Variants in ZNF124 observed in about 807,000 individuals in gnomAD.
ZNF124 encodes zinc finger protein HZF-16.
Under a neutral mutation model 26.6 loss-of-function variants are expected in ZNF124, and 25 were observed. That is an observed-to-expected ratio of 0.94 (90% CI 0.68 to 1.31). The LOEUF (loss-of-function observed/expected upper bound fraction) is 1.31, where lower values mean the gene tolerates loss of function less well. ZNF124 is among the 40% of genes most tolerant of loss of function. The pLI is 0.00. For synonymous variants in ZNF124, 129 were observed against 133.3 expected (o/e 0.97, Z 0.22); for missense variants, 444 against 422.2 (o/e 1.05, Z -0.45).
At chr1:247,134,901 C>T (rs1013496526) in intron 3 of ZNF124, among the ~76,000 whole-genome samples, 1 of 152,172 alleles carries the variant, frequency 6.6e-6, no homozygotes, top group Admixed American at 6.5e-5. Context: ...AATAGTCTCT[C>T]GGACCACAGT....
chr1:247,139,069 T>C (rs757910518), intron 3 of ZNF124, among the ~76,000 whole-genome samples: 2 of 152,234 alleles, frequency 1.3e-5, no homozygotes, highest in Admixed American at 6.5e-5. Context: ...ACTGAACCGA[T>C]GTTCATCTTA....
At chr1:247,154,188 T>C (rs75742661), downstream of ZNF124, among the ~76,000 whole-genome samples, 17,595 of 152,140 alleles carry the variant, frequency 0.12, 1,316 homozygotes, top group African/African-American at 0.19. Flanking sequence ...TTGTAATAAT[T>C]CCCACGTGTC....
Position 247,159,739 on chromosome 1 carries a change from C to G in ZNF124, c.105G>C (p.Lys35Asn), listed in dbSNP as rs1029289737. The G allele has an allele frequency of 1.2e-5, 19 of 1,613,848 alleles. No homozygotes were observed. The highest frequency in any genetic ancestry group is 1.6e-5 in the Non-Finnish European group (19 of 1,179,944). The change falls in exon 2 of 4, where the codon AAG becomes AAC. Residue 35 changes from lysine (K) to asparagine (N), a missense_variant. Transcript: ENST00000543802. ...EEWALLDPSQKNLYRDVMQET... is the reference protein window; with the variant it reads ...EEWALLDPSQNNLYRDVMQET... ...CCTGCATCACGTCTCTATAGAGATT[C>G]TTCTGGGAAGGATCCAACAAAGCCC...
chr1:247,150,254 CAAAT>C (rs1241445555), downstream of ZNF124, among the ~76,000 whole-genome samples: 2 of 152,060 alleles, frequency 1.3e-5, no homozygotes, highest in South Asian at 2.1e-4. Context: ...ATTAAACATA[CAAAT>C]AAATAAAATA....
At chr1:247,122,111 A>T (rs1672097297) in exon 4 of ZNF124, 1 of 152,246 alleles carries the variant, frequency 6.6e-6, no homozygotes, top group Admixed American at 6.5e-5. Context: ...TAATATTTAG[A>T]TAGGACAGAA....
At chr1:247,134,309 C>G (rs1672435992) in intron 3 of ZNF124, among the ~76,000 whole-genome samples, 1 of 152,092 alleles carries the variant, frequency 6.6e-6, no homozygotes, top group South Asian at 2.1e-4. Flanking sequence ...CTTGGACTGG[C>G]AAATTGGATA....
intron 1 of ZNF124, among the ~76,000 whole-genome samples, chr1:247,162,605 T>C (rs1673542626): frequency 7.9e-6 from 1 of 125,850 alleles, no homozygotes. Flanking sequence ...ATATAAAATA[T>C]ATTAACCCTT....
intron 1 of ZNF124, among the ~76,000 whole-genome samples, chr1:247,161,246 G>T (rs1381923841): frequency 6.6e-6 from 1 of 152,166 alleles, no homozygotes; most frequent in African/African-American, 2.4e-5. Flanking sequence ...CAAGAGAAAG[G>T]CATATAGTCT....
At chr1:247,122,702 C>G (rs554905354) in exon 4 of ZNF124, 2 of 152,256 alleles carry the variant, frequency 1.3e-5, no homozygotes, top group Non-Finnish European at 2.9e-5. Context: ...GTCGCCATGC[C>G]TAGCCCTGGG....
chr1:247,167,267 G>A (rs977909813), intron 1 of ZNF124, among the ~76,000 whole-genome samples: 1 of 152,158 alleles, frequency 6.6e-6, no homozygotes, highest in Non-Finnish European at 1.5e-5. Context: ...ATTCAACACA[G>A]TATTGGAAAT....
Position 247,156,207 on chromosome 1 carries a change from CTGAG to C in ZNF124, c.*355_*358del, listed in dbSNP as rs1489361056. The C allele has an allele frequency of 1.0e-6, 1 of 1,003,802 alleles. No homozygotes were observed. The highest frequency in any genetic ancestry group is 1.2e-6 in the Non-Finnish European group (1 of 843,026). 62.2% of individuals were successfully genotyped at this position (1,003,802 alleles called of 1,614,324 possible). On this transcript the variant is annotated 3_prime_UTR_variant, in exon 4 of 4. Coordinates refer to ENST00000543802, the MANE Select transcript of ZNF124 (RefSeq NM_001297568.2). The stretch of plus-strand genomic sequence containing the variant: ...CTGGAGTATGTGTTACCATGTGTCT[CTGAG>C]TGAGTTATAGGATAAATGAAGGCAT...
chr1:247,155,888 A>ATTT lies in ZNF124; in HGVS notation c.*675_*677dup. The stretch of plus-strand genomic sequence containing the variant: ...AAAAAAAAAAAAAAGTCTCACCTCA[A>ATTT]TTTTTTTTTTTTCAAAAGAAGTGAA... On this transcript the variant is annotated 3_prime_UTR_variant, in exon 4 of 4. Coordinates refer to ENST00000543802, the MANE Select transcript of ZNF124 (RefSeq NM_001297568.2). 1 of 743,108 alleles carries ATTT rather than the reference A, an allele frequency of 1.3e-6. No homozygotes were observed. The highest frequency in any genetic ancestry group is 1.6e-6 in the Non-Finnish European group (1 of 613,934). The allele number at this position is 743,108 out of a possible 1,614,324, so 46.0% of individuals were successfully genotyped here.
At chr1:247,165,941 G>A (rs573043478) in intron 1 of ZNF124, among the ~76,000 whole-genome samples, 1 of 152,320 alleles carries the variant, frequency 6.6e-6, no homozygotes, top group African/African-American at 2.4e-5. Context: ...AGTTCAGGAG[G>A]TTGAGGCAGG....
rs1673190452 is a variant in ZNF124 at position 247,157,121 on chromosome 1, T to C, written c.501A>G (p.Arg167=). The change falls in exon 4 of 4, where the codon AGA becomes AGG. Residue 167 remains arginine, a synonymous_variant. Coordinates refer to ENST00000543802, the MANE Select transcript of ZNF124 (RefSeq NM_001297568.2). ...KALGFSRSLN[R]HKRIHTGEKR... is the part of the protein sequence containing the mutation. ...TTTCTCCAGTGTGAATCCTTTTATG[T>C]CTATTAAGAGAACGGGAAAAACCTA... 11 of 1,614,010 alleles carry C rather than the reference T, an allele frequency of 6.8e-6. No individual in the cohort carries two copies. The highest frequency in any genetic ancestry group is 1.1e-5 in the South Asian group (1 of 91,078).
chr1:247,155,932 T>C lies in ZNF124; in HGVS notation c.*634A>G, dbSNP rs1673105927. 2 of 927,232 alleles carry C rather than the reference T, an allele frequency of 2.2e-6. No homozygotes were observed. Among genetic ancestry groups the C allele is most frequent in the Non-Finnish European group, 2.6e-6 (2 of 778,366 alleles). 57.4% of individuals were successfully genotyped at this position (927,232 alleles called of 1,614,324 possible). ...AAGTGAAAATCTATATTCTAGAGAC[T>C]CTCTTCAAAAATGAGCAACCAATAT... is the stretch of plus-strand genomic sequence containing the variant. On this transcript the variant is annotated 3_prime_UTR_variant, in exon 4 of 4. Coordinates refer to ENST00000543802, the MANE Select transcript of ZNF124 (RefSeq NM_001297568.2).
At chr1:247,125,671 C>T (rs113134375) in intron 3 of ZNF124, among the ~76,000 whole-genome samples, 18 of 148,264 alleles carry the variant, frequency 1.2e-4, no homozygotes, top group Middle Eastern at 3.4e-3. Flanking sequence ...ACCTCGTGAT[C>T]GGCGCCGGCG....
At chr1:247,152,997 C>G (rs970641300), downstream of ZNF124, among the ~76,000 whole-genome samples, 4 of 152,096 alleles carry the variant, frequency 2.6e-5, no homozygotes, top group East Asian at 3.9e-4. Context: ...GCTGGGTGTG[C>G]TGACGGGCAC....
chr1:247,148,641 A>C (rs1672847305), intron 3 of ZNF124, among the ~76,000 whole-genome samples: 1 of 152,178 alleles, frequency 6.6e-6, no homozygotes, highest in African/African-American at 2.4e-5. Flanking sequence ...TTTTGATCAC[A>C]GCTGAGGAAT....
At chr1:247,169,272 G>C (rs1006965065) in intron 1 of ZNF124, among the ~76,000 whole-genome samples, 21 of 152,078 alleles carry the variant, frequency 1.4e-4, no homozygotes, top group Non-Finnish European at 2.9e-4. Flanking sequence ...GAGATTCCCT[G>C]GTCCCCGGTC....
Sources: allele counts gnomAD v4.1 joint callset (sites outside exome capture counted in the v4.1 genomes callset), GRCh38; gene constraint gnomAD v4.1.1; transcripts MANE v1.5; gene names NCBI Gene and HGNC (gene_info 2026-07-23, HGNC 2026-07-21).